ACVR2A: variants seen among roughly 807,000 people sequenced by gnomAD.
ACVR2A encodes the protein activin A receptor type 2A, also known as activin receptor type-2A.
In ACVR2A, 7 loss-of-function variants were observed where a neutral mutation model predicts 61.4. The observed-to-expected ratio is 0.11, with a 90% CI of 0.06 to 0.21. ACVR2A has a LOEUF of 0.21. Among genes scored for constraint, ACVR2A ranks in the 10% least tolerant of loss-of-function variants. The pLI is 1.00. For synonymous variants in ACVR2A, 193 were observed against 208.3 expected (o/e 0.93, Z 0.63); for missense variants, 322 against 621.7 (o/e 0.52, Z 5.13).
intron 1 of ACVR2A, among the ~76,000 whole-genome samples, chr2:147,845,814 A>AAG (rs1685297406): frequency 6.6e-6 from 1 of 152,202 alleles, no homozygotes; most frequent in African/African-American, 2.4e-5. Context: ...CCCAGTGCAG[A>AAG]AGAGGTATGC....
At chr2:147,853,839 G>A (rs1685502523) in intron 1 of ACVR2A, among the ~76,000 whole-genome samples, 1 of 152,022 alleles carries the variant, frequency 6.6e-6, no homozygotes, top group Admixed American at 6.6e-5. Flanking sequence ...AACTATATGT[G>A]ATATATCAAG....
At chr2:147,849,415 ATTTCTTTTGTCTAGCTAACTT>A (rs766152095) in intron 1 of ACVR2A, among the ~76,000 whole-genome samples, 1 of 152,006 alleles carries the variant, frequency 6.6e-6, no homozygotes, top group Non-Finnish European at 1.5e-5. Flanking sequence ...TAAAAAAGAT[ATTTCTTTTGTCTAGCTAACTT>A]TAATTTCAAG....
In ACVR2A at chr2:147,899,787, C is replaced by G; in HGVS notation, c.417C>G (p.Ile139Met). ...CACCTAAGCCACCCTATTACAACATCCTGCTCTATTCCTTGGTGCCACTTA... is the reference window on the plus strand; with the variant it reads ...CACCTAAGCCACCCTATTACAACATGCTGCTCTATTCCTTGGTGCCACTTA... ...PVTPKPPYYNILLYSLVPLML... is the reference protein window; with the variant it reads ...PVTPKPPYYNMLLYSLVPLML... The change falls in exon 4 of 11, where the codon ATC becomes ATG. Residue 139 changes from isoleucine to methionine, a missense_variant. By Grantham distance (10) the Ile-to-Met change is conservative. This residue lies in a region of ACVR2A where 142 missense variants were observed against 200.3 expected (regional missense o/e 0.71). Coordinates refer to ENST00000241416, the MANE Select transcript of ACVR2A (RefSeq NM_001616.5). 6.2e-7 allele frequency: 1 copy of G among 1,613,758 alleles called. No homozygotes were observed. Among genetic ancestry groups the G allele is most frequent in the African/African-American group, 1.3e-5 (1 of 75,026 alleles).
chr2:147,914,693 G>T (rs1436921526), intron 4 of ACVR2A, among the ~76,000 whole-genome samples: 1 of 151,938 alleles, frequency 6.6e-6, no homozygotes, highest in African/African-American at 2.4e-5. Flanking sequence ...ATGTGTTTAA[G>T]AATGACTGCC....
intron 10 of ACVR2A, 129 bp from the exon 11 acceptor site, chr2:147,926,951 A>G: frequency 1.1e-6 from 1 of 871,570 alleles, no homozygotes; most frequent in South Asian, 1.7e-5. Flanking sequence ...ATGGTAGTCA[A>G]TAAAAGTGAA....
At chr2:147,853,949 C>T (rs1685504274) in intron 1 of ACVR2A, among the ~76,000 whole-genome samples, 1 of 152,046 alleles carries the variant, frequency 6.6e-6, no homozygotes, top group African/African-American at 2.4e-5. Context: ...AATTTGTAAA[C>T]CAAGATGTAT....
At chr2:147,899,988 T>C (rs1394898151) in intron 4 of ACVR2A, 90 bp downstream of exon 4, 1 of 1,382,752 alleles carries the variant, frequency 7.2e-7, no homozygotes, top group African/African-American at 1.5e-5. Context: ...TATTACAGAT[T>C]ATTTTCCTTT....
At chr2:147,916,851 T>C (rs1279921949) in intron 5 of ACVR2A, among the ~76,000 whole-genome samples, 1 of 151,948 alleles carries the variant, frequency 6.6e-6, no homozygotes, top group East Asian at 1.9e-4. Context: ...TTTGATATTA[T>C]GTTAGTTTTT....
intron 1 of ACVR2A, among the ~76,000 whole-genome samples, chr2:147,863,230 C>T (rs969211189): frequency 3.9e-5 from 6 of 152,214 alleles, no homozygotes; most frequent in Admixed American, 2.6e-4. Context: ...TTAACAGCAA[C>T]TACTGTTGCC....
chr2:147,911,691 TA>T (rs1687119914), intron 4 of ACVR2A, among the ~76,000 whole-genome samples: 1 of 152,054 alleles, frequency 6.6e-6, no homozygotes, highest in Non-Finnish European at 1.5e-5. Context: ...ATTTATGTCA[TA>T]AAGGGTTCTC....
intron 4 of ACVR2A, among the ~76,000 whole-genome samples, chr2:147,913,933 A>T (rs1310747627): frequency 1.3e-5 from 2 of 150,448 alleles, no homozygotes; most frequent in African/African-American, 4.9e-5. Context: ...TTTTATAAAG[A>T]TGGTTTCATT....
intron 1 of ACVR2A, among the ~76,000 whole-genome samples, chr2:147,868,372 A>G (rs1685927467): frequency 6.6e-6 from 1 of 152,196 alleles, no homozygotes; most frequent in Admixed American, 6.5e-5. Context: ...GTAATGGCAG[A>G]TAACGTTAGA....
intron 1 of ACVR2A, among the ~76,000 whole-genome samples, chr2:147,889,793 C>A (rs1686537260): frequency 6.6e-6 from 1 of 151,244 alleles, no homozygotes; most frequent in African/African-American, 2.4e-5. Context: ...AAACATTTTA[C>A]CAAATTTCAG....
rs990116412 is a variant in ACVR2A at position 147,868,692 on chromosome 2, C to T, written c.55+23485C>T. 2.8e-4 allele frequency among the ~76,000 whole-genome samples: 43 copies of T among 151,932 alleles called. 1 individual carries two copies. Among genetic ancestry groups the T allele is most frequent in the African/African-American group, 8.4e-4 (35 of 41,430 alleles). On this transcript the variant is annotated intron_variant, in intron 1 of 10. Transcript: ENST00000241416. ...TGTAGCCCAGGCTGGAGTGCAGTGA[C>T]GGGAACATGGCTTACTACAGCCTCC...
At chr2:147,873,153 A>G (rs1573923285) in intron 1 of ACVR2A, among the ~76,000 whole-genome samples, 1 of 151,938 alleles carries the variant, frequency 6.6e-6, no homozygotes, top group Admixed American at 6.6e-5. Context: ...AATGCCTCAT[A>G]TGGCATGGGT....
At chr2:147,878,856 C>T (rs1268173717) in intron 1 of ACVR2A, among the ~76,000 whole-genome samples, 1 of 152,042 alleles carries the variant, frequency 6.6e-6, no homozygotes, top group African/African-American at 2.4e-5. Context: ...CTGCAGTGAA[C>T]TGTTACCATG....
chr2:147,899,244 G>A (rs1686816440), intron 2 of ACVR2A, among the ~76,000 whole-genome samples: 4 of 152,040 alleles, frequency 2.6e-5, no homozygotes. Context: ...CAGTGTGATT[G>A]TTATAAAATC....
intron 4 of ACVR2A, among the ~76,000 whole-genome samples, chr2:147,911,682 T>C (rs1306600244): frequency 1.3e-5 from 2 of 152,046 alleles, no homozygotes; most frequent in Non-Finnish European, 2.9e-5. Context: ...AATTTATATA[T>C]TTATGTCATA....
chr2:147,928,040 C>A lies in ACVR2A; in HGVS notation c.*766C>A, dbSNP rs1373591178. 6.6e-6 allele frequency: 1 copy of A among 152,290 alleles called. No homozygotes were observed. The highest frequency in any genetic ancestry group is 1.5e-5 in the Non-Finnish European group (1 of 67,912). The allele number at this position is 152,290 out of a possible 1,614,324, so 9.4% of individuals were successfully genotyped here. A position where few individuals can be genotyped will look rare whatever the true frequency, so the allele number is the denominator to read the frequency against. Reference sequence around the variant, plus strand: ...AAGCAGTGTTTTAGCATTTCTTGTGCTGGCTTGTAATGTAGGGAAAAAAAG... The same window carrying A: ...AAGCAGTGTTTTAGCATTTCTTGTGATGGCTTGTAATGTAGGGAAAAAAAG... On this transcript the variant is annotated 3_prime_UTR_variant, in exon 11 of 11. Coordinates refer to ENST00000241416, the MANE Select transcript of ACVR2A (RefSeq NM_001616.5).
Sources: allele counts gnomAD v4.1 joint callset (sites outside exome capture counted in the v4.1 genomes callset), GRCh38; gene constraint gnomAD v4.1.1; regional missense constraint gnomAD v4.1.1; transcripts MANE v1.5; gene names NCBI Gene and HGNC (gene_info 2026-07-23, HGNC 2026-07-21).